Variants in NPAS1 observed in about 807,000 individuals in gnomAD.
NPAS1 encodes the protein neuronal PAS domain protein 1.
Under a neutral mutation model 49.2 loss-of-function variants are expected in NPAS1, and 29 were observed. The ratio of observed to expected loss-of-function variants is 0.59; its 90% CI spans 0.44 to 0.80. The LOEUF is 0.80. NPAS1 is among the 30% of genes least tolerant of loss of function. The pLI, the probability that NPAS1 is intolerant of heterozygous loss-of-function variation, is 0.00. For synonymous variants in NPAS1, 408 were observed against 380.4 expected (o/e 1.07, Z -0.84); for missense variants, 825 against 835.5 (o/e 0.99, Z 0.15).
rs541694486 is a variant in NPAS1, at chr19:47,036,748, T to TG, written c.688+625dup. Among the ~76,000 whole-genome samples, 620 of 142,174 alleles carry TG rather than the reference T, an allele frequency of 4.4e-3. 7 individuals are homozygous for TG. The highest frequency in any genetic ancestry group is 0.015 in the African/African-American group (581 of 38,600). The allele number at this position is 142,174 out of a possible 152,430, so 93.3% of individuals were successfully genotyped here. On this transcript the variant is annotated intron_variant, in intron 6 of 11. Transcript: ENST00000602212. Reference sequence around the variant, plus strand: ...AAAAAAAAAAATTAGCTGGGTATGGTGGGGGGTGCCTGAGTCCCAGCTACT... The same window carrying TG: ...AAAAAAAAAAATTAGCTGGGTATGGTGGGGGGGTGCCTGAGTCCCAGCTACT...
At chr19:47,023,267 G>A (rs1310637840) in intron 3 of NPAS1, among the ~76,000 whole-genome samples, 1 of 140,828 alleles carries the variant, frequency 7.1e-6, no homozygotes, top group Non-Finnish European at 1.5e-5. Context: ...CCGAGCTGAA[G>A]GGGGGGAAAG....
chr19:47,032,236 G>C (rs2056910544), intron 3 of NPAS1, 42 bp from the exon 4 acceptor site: 2 of 1,587,998 alleles, frequency 1.3e-6, no homozygotes, highest in Non-Finnish European at 1.7e-6. Flanking sequence ...CCCTGGGCAG[G>C]GTCAGCCAGA....
intron 3 of NPAS1, among the ~76,000 whole-genome samples, chr19:47,027,421 C>CCT (rs1488617128): frequency 8.1e-5 from 11 of 136,082 alleles, no homozygotes; most frequent in African/African-American, 3.0e-4. Flanking sequence ...CCTGGGTCCC[C>CCT]CTCTCTCTGC....
intron 3 of NPAS1, among the ~76,000 whole-genome samples, chr19:47,025,383 A>G (rs8108492): frequency 0.92 from 120,851 of 131,568 alleles, 57,431 homozygotes; most frequent in Non-Finnish European, 0.95. Context: ...GGTTCAAGCG[A>G]TTCTCCTGCT....
intron 3 of NPAS1, among the ~76,000 whole-genome samples, chr19:47,030,310 C>T (rs956608003): frequency 1.3e-5 from 2 of 152,114 alleles, no homozygotes; most frequent in African/African-American, 2.4e-5. Flanking sequence ...GCATGAGCCA[C>T]GGCGCCTGGC....
chr19:47,027,802 C>CAA (rs1328857889), intron 3 of NPAS1, among the ~76,000 whole-genome samples: 2 of 152,054 alleles, frequency 1.3e-5, no homozygotes, highest in Non-Finnish European at 2.9e-5. Context: ...AGAACCACAG[C>CAA]AAGTGTTTGT....
chr19:47,045,268 A>T lies in NPAS1; in HGVS notation c.1390A>T (p.Lys464Ter). 1.9e-6 allele frequency: 3 copies of T among 1,613,982 alleles called. No individual in the cohort carries two copies. Among genetic ancestry groups the T allele is most frequent in the Non-Finnish European group, 2.5e-6 (3 of 1,179,966 alleles). Residue 464 changes from lysine (K) to a stop codon, truncating the protein, a stop_gained, in exon 12 of 12, where the codon AAA (lysine) becomes TAA (stop). Transcript: ENST00000602212. LOFTEE classifies it low-confidence loss of function (END_TRUNC). ...EAPQTQGKRI[K>*]VEPGPRETKG... ...CCCCCAGACCCAGGGCAAACGCATC[A>T]AAGTGGAGCCCGGCCCGAGGGAAAC...
chr19:47,045,005 G>A (rs900477672), intron 11 of NPAS1, among the ~76,000 whole-genome samples, 186 bp from the exon 12 acceptor site: 13 of 151,868 alleles, frequency 8.6e-5, no homozygotes, highest in Non-Finnish European at 1.5e-5. Context: ...ACTCCAGCCT[G>A]GGGGACAGAG....
Position 47,019,943 on chromosome 19 carries a change from A to G in NPAS1, c.-97A>G, listed in dbSNP as rs984461077. 4 of 391,190 alleles carry G rather than the reference A, an allele frequency of 1.0e-5. No individual in the cohort carries two copies. Among genetic ancestry groups the G allele is most frequent in the African/African-American group, 4.2e-5 (2 of 48,066 alleles). The allele number at this position is 391,190 out of a possible 1,614,324, so 24.2% of individuals were successfully genotyped here. ...CCCTCCGCGCCGCCCGGCCGGCCCC[A>G]CGCCGCGCCCGGAGCCTGCTCTGCG... On this transcript the variant is annotated 5_prime_UTR_variant, in exon 1 of 12. Transcript: ENST00000602212.
chr19:47,040,765 G>A lies in NPAS1; in HGVS notation c.1070-213G>A, dbSNP rs2122542908. The A allele has an allele frequency of 5.8e-5, 35 of 601,340 alleles. No homozygotes were observed. In the South Asian group the frequency reaches 6.9e-4, roughly 12 times the overall value. The allele number at this position is 601,340 out of a possible 1,614,324, so 37.3% of individuals were successfully genotyped here. ...GGGGGGGGGTCTGGGGGGCTGTGGG[G>A]TCTCCAAAACACCCAAGAGGCCTCG... is the stretch of plus-strand genomic sequence containing the variant. On this transcript the variant is annotated intron_variant, in intron 9 of 11. Coordinates refer to ENST00000602212, the MANE Select transcript of NPAS1 (RefSeq NM_002517.4).
chr19:47,032,293 GC>G lies in NPAS1; in HGVS notation c.378del (p.Ala127GlnfsTer27), dbSNP rs778166756. 1 of 1,613,920 alleles carries G rather than the reference GC, an allele frequency of 6.2e-7. No individual in the cohort carries two copies. The highest frequency in any genetic ancestry group is 1.1e-5 in the South Asian group (1 of 91,072). On this transcript the variant is annotated frameshift_variant, in exon 4 of 12. Coordinates refer to ENST00000602212, the MANE Select transcript of NPAS1 (RefSeq NM_002517.4). LOFTEE classifies it high-confidence loss of function. ...PPAGLAPGRR[G>X]PAALVSEVFE... Reference sequence around the variant, plus strand: ...TCTGCCCCAGCCCCAGGCCGCCGCGGCCCCGCAGCGCTGGTCTCCGAAGTCT... The same window carrying G: ...TCTGCCCCAGCCCCAGGCCGCCGCGGCCCGCAGCGCTGGTCTCCGAAGTCT...
rs1599929329 is a variant in NPAS1, at chr19:47,045,669, G to A, written c.*18G>A. 1 of 1,401,626 alleles carries A rather than the reference G, an allele frequency of 7.1e-7. No homozygotes were observed. 86.8% of individuals were successfully genotyped at this position (1,401,626 alleles called of 1,614,324 possible). ...GGGACTGAGGACTGGCAGAGCTGCC[G>A]GCGCCGGACCCTGCGACAACCGGGG... is the stretch of plus-strand genomic sequence containing the variant. On this transcript the variant is annotated 3_prime_UTR_variant, in exon 12 of 12. Coordinates refer to ENST00000602212, the MANE Select transcript of NPAS1 (RefSeq NM_002517.4).
chr19:47,032,030 G>A (rs1237921706), intron 3 of NPAS1, among the ~76,000 whole-genome samples: 3 of 151,996 alleles, frequency 2.0e-5, no homozygotes, highest in African/African-American at 7.3e-5. Context: ...TGAGTGAATG[G>A]GTGGATGAAT....
At chr19:47,036,231 T>G in intron 6 of NPAS1, 102 bp downstream of exon 6, 2 of 1,244,076 alleles carry the variant, frequency 1.6e-6, no homozygotes, top group Non-Finnish European at 2.3e-6. Flanking sequence ...AGCAGTGAAG[T>G]TAGAACTGTG....
chr19:47,026,689 T>C (rs550650844), intron 3 of NPAS1, among the ~76,000 whole-genome samples: 44 of 152,200 alleles, frequency 2.9e-4, no homozygotes, highest in African/African-American at 1.0e-3. Context: ...GGGCGGTGGC[T>C]CACACCTGTA....
chr19:47,036,271 G>C lies in NPAS1; in HGVS notation c.688+142G>C, dbSNP rs562268944. ...ACGAATCTTTGCAAAAGGAATCGGA[G>C]TATAAATTGAGGCGGTGAGACTTGG... On this transcript the variant is annotated intron_variant, in intron 6 of 11. Transcript: ENST00000602212. 5 of 948,470 alleles carry C rather than the reference G, an allele frequency of 5.3e-6. 1 individual carries two copies. In the East Asian group the frequency reaches 1.4e-4, roughly 26 times the overall value. The allele number at this position is 948,470 out of a possible 1,614,324, so 58.8% of individuals were successfully genotyped here.
intron 11 of NPAS1, 31 bp downstream of exon 11, chr19:47,042,935 G>A (rs1361500729): frequency 1.3e-6 from 2 of 1,503,000 alleles, no homozygotes; most frequent in African/African-American, 2.8e-5. Context: ...TGGCCCCTGG[G>A]AAGCTCCAAG....
chr19:47,021,895 G>A lies in NPAS1; in HGVS notation c.358+48G>A. Reference sequence around the variant, plus strand: ...AGGGTCCCGGGGCCCTCCAGGCGGAGTCACTGCAGCCCAGATCCGGGCTGC... The same window carrying A: ...AGGGTCCCGGGGCCCTCCAGGCGGAATCACTGCAGCCCAGATCCGGGCTGC... On this transcript the variant is annotated intron_variant, in intron 3 of 11. Transcript: ENST00000602212. The surrounding 1 kb of genome is among the most constrained non-coding windows in gnomAD (Gnocchi z 5.7). 7.9e-7 allele frequency: 1 copy of A among 1,262,786 alleles called. No individual in the cohort carries two copies. The highest frequency in any genetic ancestry group is 1.0e-6 in the Non-Finnish European group (1 of 961,354). 78.2% of individuals were successfully genotyped at this position (1,262,786 alleles called of 1,614,324 possible).
rs1220393747 is a variant in NPAS1, at chr19:47,045,033, AAAAAAC to A, written c.1313-152_1313-147del. 1.7e-4 allele frequency among the ~76,000 whole-genome samples: 26 copies of A among 150,554 alleles called. 1 individual carries two copies. The South Asian group carries it at 5.0e-3, about 29-fold the overall frequency. ...GGACAGAGCAAGACTCCGTCTCACAAAAAAACAAAAAACAAAAACAAAACAAACAAA... is the reference window on the plus strand; with the variant it reads ...GGACAGAGCAAGACTCCGTCTCACAAAAAAAACAAAAACAAAACAAACAAA... On this transcript the variant is annotated intron_variant, in intron 11 of 11. Coordinates refer to ENST00000602212, the MANE Select transcript of NPAS1 (RefSeq NM_002517.4).
Sources: allele counts gnomAD v4.1 joint callset (sites outside exome capture counted in the v4.1 genomes callset), GRCh38; gene constraint gnomAD v4.1.1; non-coding constraint Gnocchi (gnomAD v3.1); transcripts MANE v1.5; gene names NCBI Gene and HGNC (gene_info 2026-07-23, HGNC 2026-07-21).